The following RAP1A variants were observed in gnomAD, a reference collection of about 807,000 sequenced individuals.
The protein encoded by RAP1A is ras-related protein Rap-1A.
A neutral mutation model predicts 26.4 loss-of-function variants in RAP1A; 6 were observed. The observed-to-expected ratio is 0.23, with a 90% confidence interval of 0.12 to 0.45. The LOEUF is 0.45. Ranked by LOEUF, RAP1A falls within the 20% of genes least tolerant of loss-of-function variation. The probability of loss-of-function intolerance (pLI) is 0.99; values close to 1 mark genes in which losing one functional copy is unlikely to be tolerated. For missense variants in RAP1A, 121 were observed against 217.2 expected (o/e 0.56, Z 2.78); for synonymous variants, 73 against 79.4 (o/e 0.92, Z 0.43).
intron 1 of RAP1A, chr1:111,648,207 T>A (rs12137310): frequency 0.012 from 1,011 of 86,576 alleles, 1 homozygote; most frequent in African/African-American, 0.032. Flanking sequence ...GTGTGTGTAT[T>A]TTTTTTTTTT....
intron 1 of RAP1A, among the ~76,000 whole-genome samples, chr1:111,582,991 G>T (rs1658288299): frequency 6.6e-6 from 1 of 152,138 alleles, no homozygotes; most frequent in African/African-American, 2.4e-5. Context: ...GTGCATGGAG[G>T]TCTAGAGGCC....
chr1:111,630,333 C>G (rs1429493551), intron 1 of RAP1A, among the ~76,000 whole-genome samples: 1 of 152,232 alleles, frequency 6.6e-6, no homozygotes, highest in South Asian at 2.1e-4. Flanking sequence ...ACTAAGAAAT[C>G]ATTCCCTACA....
intron 1 of RAP1A, among the ~76,000 whole-genome samples, chr1:111,632,789 C>G (rs535449386): frequency 1.3e-5 from 2 of 151,828 alleles, no homozygotes; most frequent in Non-Finnish European, 2.9e-5. Flanking sequence ...GGCGCGGTGG[C>G]GCATGCCTGT....
At chr1:111,547,118 G>A (rs537752315) in intron 1 of RAP1A, among the ~76,000 whole-genome samples, 1 of 152,166 alleles carries the variant, frequency 6.6e-6, no homozygotes, top group South Asian at 2.1e-4. Flanking sequence ...TATTGGTCTT[G>A]TATCCTTCAA....
intron 1 of RAP1A, among the ~76,000 whole-genome samples, chr1:111,651,473 ATT>A (rs5777070): frequency 7.0e-4 from 87 of 123,810 alleles, no homozygotes; most frequent in South Asian, 1.6e-3. Context: ...TATATATATA[ATT>A]TTTTTTTTTT....
At chr1:111,696,863 C>T (rs1030741156) in intron 3 of RAP1A, among the ~76,000 whole-genome samples, 3 of 152,174 alleles carry the variant, frequency 2.0e-5, no homozygotes, top group Admixed American at 2.0e-4. Flanking sequence ...TAGAAAAGTG[C>T]CTTTTTCTTG....
chr1:111,607,587 G>A (rs1482327133), intron 1 of RAP1A, among the ~76,000 whole-genome samples: 5 of 151,004 alleles, frequency 3.3e-5, no homozygotes, highest in African/African-American at 7.2e-5. Flanking sequence ...CAGTAGGGGC[G>A]GCTGGGCAGA....
chr1:111,689,506 T>C (rs1168075838), intron 1 of RAP1A, among the ~76,000 whole-genome samples: 1 of 140,766 alleles, frequency 7.1e-6, no homozygotes, highest in Non-Finnish European at 1.5e-5. Context: ...TGTTTTTGAA[T>C]ACTGTAAGTT....
chr1:111,708,139 A>T (rs1028626936), intron 6 of RAP1A, among the ~76,000 whole-genome samples: 1 of 152,202 alleles, frequency 6.6e-6, no homozygotes, highest in African/African-American at 2.4e-5. Context: ...GCACCACTGC[A>T]CTCCAGCCTG....
intron 1 of RAP1A, among the ~76,000 whole-genome samples, chr1:111,594,742 T>A (rs1004555038): frequency 1.3e-5 from 2 of 152,100 alleles, no homozygotes; most frequent in African/African-American, 4.8e-5. Flanking sequence ...AGCCCACTGA[T>A]GAATAAATGA....
chr1:111,678,345 A>G (rs1661190513), intron 1 of RAP1A, among the ~76,000 whole-genome samples: 1 of 152,232 alleles, frequency 6.6e-6, no homozygotes, highest in African/African-American at 2.4e-5. Context: ...ATGTATCTCT[A>G]AGTAGTTTCT....
intron 3 of RAP1A, among the ~76,000 whole-genome samples, chr1:111,697,067 C>CT: frequency 6.6e-6 from 1 of 152,068 alleles, no homozygotes; most frequent in Non-Finnish European, 1.5e-5. Context: ...TATTTTTGTA[C>CT]TTTGTTTTCT....
At chr1:111,657,762 A>G (rs1660508864) in intron 1 of RAP1A, among the ~76,000 whole-genome samples, 1 of 152,188 alleles carries the variant, frequency 6.6e-6, no homozygotes, top group Non-Finnish European at 1.5e-5. Context: ...ATTTGACCAT[A>G]TATGTGAGGG....
chr1:111,631,107 C>T (rs1282509253), intron 1 of RAP1A, among the ~76,000 whole-genome samples: 1 of 152,090 alleles, frequency 6.6e-6, no homozygotes, highest in Non-Finnish European at 1.5e-5. Flanking sequence ...TTTTCTTTGA[C>T]CAGTGATTAT....
Position 111,704,433 on chromosome 1 carries a change from T to C in RAP1A, c.415T>C (p.Cys139Arg), listed in dbSNP as rs1340198719. The C allele has an allele frequency of 8.1e-6, 13 of 1,613,932 alleles. No homozygotes were observed. Among genetic ancestry groups the C allele is most frequent in the Non-Finnish European group, 1.1e-5 (13 of 1,179,876 alleles). The change falls in exon 6 of 8, where the codon TGT (cysteine) becomes CGT (arginine). Residue 139 changes from cysteine to arginine, a missense_variant. Cys to Arg is a radical substitution (Grantham distance 180). Coordinates refer to ENST00000369709, the MANE Select transcript of RAP1A (RefSeq NM_002884.4). ...EQGQNLARQW[C>R]NCAFLESSAK... ...GGGCCAGAATTTAGCAAGACAGTGG[T>C]GTAACTGTGCCTTTTTAGAATCTTC... is the stretch of plus-strand genomic sequence containing the variant.
intron 1 of RAP1A, among the ~76,000 whole-genome samples, chr1:111,591,357 A>G (rs1658468281): frequency 6.6e-6 from 1 of 151,616 alleles, no homozygotes; most frequent in Admixed American, 6.6e-5. Context: ...ACTTCCTTCC[A>G]TTTACTTTCT....
At chr1:111,642,210 A>C (rs973587237) in intron 1 of RAP1A, among the ~76,000 whole-genome samples, 1 of 152,082 alleles carries the variant, frequency 6.6e-6, no homozygotes, top group Non-Finnish European at 1.5e-5. Flanking sequence ...AAGCCATTGC[A>C]CTCCAGCCTG....
chr1:111,630,831 C>A (rs576733677), intron 1 of RAP1A, among the ~76,000 whole-genome samples: 1 of 152,322 alleles, frequency 6.6e-6, no homozygotes, highest in South Asian at 2.1e-4. Context: ...TAGGGAACAG[C>A]TCACTGGATA....
intron 1 of RAP1A, among the ~76,000 whole-genome samples, chr1:111,626,402 T>C (rs12030059): frequency 0.3 from 41,616 of 140,672 alleles, 6,218 homozygotes; most frequent in East Asian, 0.46. Context: ...CACACACACA[T>C]ATGCATGTAT....
Sources: allele counts gnomAD v4.1 joint callset (sites outside exome capture counted in the v4.1 genomes callset), GRCh38; gene constraint gnomAD v4.1.1; transcripts MANE v1.5; gene names NCBI Gene and HGNC (gene_info 2026-07-23, HGNC 2026-07-21).